The following PRPS2 variants were observed in gnomAD, a reference collection of about 807,000 sequenced individuals.
PRPS2 encodes phosphoribosyl pyrophosphate synthetase 2.
For missense variants in PRPS2, 104 were observed against 271.5 expected (o/e 0.38, Z 4.34); for synonymous variants, 111 against 115.3 (o/e 0.96, Z 0.24).
intron 4 of PRPS2, among the ~76,000 whole-genome samples, chrX:12,811,158 C>T (rs774643602): frequency 8.9e-6 from 1 of 112,604 alleles, no homozygotes; most frequent in Non-Finnish European, 1.9e-5. Context: ...AGAACACAGT[C>T]CACGCAGGCC....
chrX:12,799,395 G>A lies in PRPS2; in HGVS notation c.306+5G>A. On this transcript the variant is annotated splice_donor_5th_base_variant and intron_variant, in intron 2 of 6. Transcript: ENST00000380668. Reference sequence around the variant, plus strand: ...CGACAAGATAAAAAGGACAAGGTAGGAGAGGTGTGTGCCCTAGAAACCTGC... The same window carrying A: ...CGACAAGATAAAAAGGACAAGGTAGAAGAGGTGTGTGCCCTAGAAACCTGC... 8.3e-7 allele frequency: 1 copy of A among 1,206,742 alleles called. No individual in the cohort carries two copies. Among genetic ancestry groups the A allele is most frequent in the Non-Finnish European group, 1.1e-6 (1 of 892,426 alleles).
chrX:12,812,848 A>G (rs763777429), intron 4 of PRPS2, among the ~76,000 whole-genome samples: 1 of 110,849 alleles, frequency 9.0e-6, no homozygotes, highest in Admixed American at 9.6e-5. Flanking sequence ...TCTACTTTCT[A>G]TCTTTATGGG....
At chrX:12,817,419 T>TA (rs1417277577) in intron 4 of PRPS2, among the ~76,000 whole-genome samples, 4 of 91,673 alleles carry the variant, frequency 4.4e-5, no homozygotes, top group Non-Finnish European at 8.4e-5. Flanking sequence ...TGAGAAATAT[T>TA]AAAAAATCTT....
chrX:12,808,288 C>CTGTGTG (rs60881280), intron 2 of PRPS2, among the ~76,000 whole-genome samples: 33,877 of 101,971 alleles, frequency 0.33, 4,948 homozygotes, highest in East Asian at 0.58. Context: ...CATGAATATA[C>CTGTGTG]TGTGTGTGTG....
chrX:12,804,069 C>T (rs1403281323), intron 2 of PRPS2, among the ~76,000 whole-genome samples: 2 of 109,623 alleles, frequency 1.8e-5, no homozygotes, highest in East Asian at 5.7e-4. Context: ...AGTGAGGAGA[C>T]AATTTTGTTC....
chrX:12,817,855 C>T (rs1368281526), intron 4 of PRPS2, among the ~76,000 whole-genome samples: 2 of 110,349 alleles, frequency 1.8e-5, no homozygotes, highest in Admixed American at 1.9e-4. Flanking sequence ...AGAATAGAGA[C>T]AGAAAATAGA....
chrX:12,819,405 A>T (rs908858237), intron 4 of PRPS2, 102 bp from the exon 5 acceptor site: 1 of 957,169 alleles, frequency 1.0e-6, no homozygotes, highest in Admixed American at 2.6e-5. Flanking sequence ...TGATTCTTGC[A>T]TCATCTCTCG....
At chrX:12,812,626 CAAAAAA>C (rs1226865541) in intron 4 of PRPS2, among the ~76,000 whole-genome samples, 1 of 111,254 alleles carries the variant, frequency 9.0e-6, no homozygotes, top group Admixed American at 9.5e-5. Context: ...GAGTCCGTCT[CAAAAAA>C]GAAAAAGAAA....
chrX:12,819,753 G>T, intron 5 of PRPS2, 73 bp downstream of exon 5: 2 of 1,110,856 alleles, frequency 1.8e-6, no homozygotes, highest in African/African-American at 3.6e-5. Context: ...TTAGAAATTG[G>T]GCTCTTTTTT....
chrX:12,798,709 C>A (rs1638617), intron 1 of PRPS2, among the ~76,000 whole-genome samples: 1 of 110,649 alleles, frequency 9.0e-6, no homozygotes, highest in African/African-American at 3.3e-5. Flanking sequence ...TGGGAGCTTA[C>A]ATTTTGCAAG....
At chrX:12,807,655 A>G (rs913201317) in intron 2 of PRPS2, among the ~76,000 whole-genome samples, 1 of 111,325 alleles carries the variant, frequency 9.0e-6, no homozygotes, top group Non-Finnish European at 1.9e-5. Flanking sequence ...CGAAAATTCG[A>G]TTTTATCCCA....
intron 2 of PRPS2, among the ~76,000 whole-genome samples, chrX:12,808,796 A>G (rs953063556): frequency 1.8e-5 from 2 of 111,465 alleles, no homozygotes; most frequent in African/African-American, 6.5e-5. Flanking sequence ...CTAGAACACT[A>G]TTCTCCTCGC....
intron 3 of PRPS2, among the ~76,000 whole-genome samples, chrX:12,809,570 C>G (rs935318676): frequency 3.2e-4 from 36 of 111,735 alleles, no homozygotes; most frequent in African/African-American, 1.2e-3. Context: ...AGTTCCATCT[C>G]AGCTTATGGA....
Position 12,802,352 on chromosome X carries a change from G to T in PRPS2, c.306+2962G>T, listed in dbSNP as rs768076858. Reference sequence around the variant, plus strand: ...GTTTTGTTTTGTTTTGTTTTGTTTTGTTTTGTTTGAGATGGAGTTTCGCTC... The same window carrying T: ...GTTTTGTTTTGTTTTGTTTTGTTTTTTTTTGTTTGAGATGGAGTTTCGCTC... On this transcript the variant is annotated intron_variant, in intron 2 of 6. Transcript: ENST00000380668. 2.8e-4 allele frequency among the ~76,000 whole-genome samples: 31 copies of T among 111,259 alleles called. No homozygotes were observed. In the South Asian group the frequency reaches 0.011, roughly 38 times the overall value.
intron 2 of PRPS2, among the ~76,000 whole-genome samples, chrX:12,808,875 A>C (rs1459590743): frequency 9.0e-6 from 1 of 111,096 alleles, no homozygotes. Context: ...TTTAAACTTT[A>C]TGCCCTTCCT....
chrX:12,818,310 G>A (rs1055617210), intron 4 of PRPS2, among the ~76,000 whole-genome samples: 1 of 104,251 alleles, frequency 9.6e-6, no homozygotes, highest in Non-Finnish European at 2.0e-5. Flanking sequence ...AGAGGTTGCA[G>A]TGAGCCGAGA....
chrX:12,796,852 A>ATT (rs35240522), intron 1 of PRPS2, among the ~76,000 whole-genome samples: 13,254 of 34,136 alleles, frequency 0.39, 3,497 homozygotes, highest in Middle Eastern at 0.52. Flanking sequence ...AGTATTTCAG[A>ATT]TTTTTTTTTT....
At chrX:12,806,105 T>C (rs1352547159) in intron 2 of PRPS2, among the ~76,000 whole-genome samples, 1 of 110,575 alleles carries the variant, frequency 9.0e-6, no homozygotes. Context: ...AAAAGGTAGA[T>C]TGTGGGCAAG....
intron 2 of PRPS2, among the ~76,000 whole-genome samples, chrX:12,802,043 A>G (rs752875364): frequency 8.9e-6 from 1 of 112,608 alleles, no homozygotes; most frequent in South Asian, 3.7e-4. Flanking sequence ...CTCCTCCACT[A>G]TTACCCGATT....
Sources: gnomAD v4.1 joint callset for allele counts (sites outside exome capture counted in the v4.1 genomes callset) on GRCh38, gnomAD v4.1.1 for gene constraint, MANE v1.5 for transcripts, NCBI Gene and HGNC (gene_info 2026-07-23, HGNC 2026-07-21) for gene names.